The following TAF1A variants were observed in gnomAD, a reference collection of about 807,000 sequenced individuals.
TAF1A encodes the protein TATA box-binding protein-associated factor RNA polymerase I subunit A.
In TAF1A, 42 loss-of-function variants were observed where a neutral mutation model predicts 61.6. The ratio of observed to expected loss-of-function variants is 0.68; its 90% confidence interval spans 0.53 to 0.88. The LOEUF (loss-of-function observed/expected upper bound fraction) is 0.88, where lower values mean the gene tolerates loss of function less well. Ranked by LOEUF, TAF1A falls within the 40% of genes least tolerant of loss-of-function variation. The pLI, the probability that TAF1A is intolerant of heterozygous loss-of-function variation, is 0.00. For synonymous variants in TAF1A, 179 were observed against 177.7 expected (o/e 1.01, Z -0.06); for missense variants, 424 against 518.7 (o/e 0.82, Z 1.77).
intron 7 of TAF1A, among the ~76,000 whole-genome samples, chr1:222,566,244 G>T (rs1418029081): frequency 6.6e-6 from 1 of 152,128 alleles, no homozygotes; most frequent in African/African-American, 2.4e-5. Flanking sequence ...AGACATTAGG[G>T]AAATGCAAAC....
At chr1:222,569,255 C>T (rs1660245034) in intron 7 of TAF1A, 18 of 1,310,358 alleles carry the variant, frequency 1.4e-5, no homozygotes, top group Non-Finnish European at 1.8e-5. Context: ...CAAAAAATAT[C>T]AGTGCAGAGT....
chr1:222,570,534 C>T lies in TAF1A; in HGVS notation c.735+1G>A, dbSNP rs759038183. The T allele has an allele frequency of 6.2e-7, 1 of 1,602,502 alleles. No individual in the cohort carries two copies. The highest frequency in any genetic ancestry group is 8.5e-7 in the Non-Finnish European group (1 of 1,172,570). ...ATAAATTTAATGAAAATTCTACTTA[C>T]TTCTACATAACTCTTCACAAAAGGG... is the stretch of plus-strand genomic sequence containing the variant. On this transcript the variant is annotated splice_donor_variant, in intron 6 of 10. Coordinates refer to ENST00000352967, the MANE Select transcript of TAF1A (RefSeq NM_005681.4). LOFTEE classifies it high-confidence loss of function.
chr1:222,574,809 T>C (rs1026359546), intron 5 of TAF1A, among the ~76,000 whole-genome samples: 1 of 151,740 alleles, frequency 6.6e-6, no homozygotes, highest in African/African-American at 2.4e-5. Flanking sequence ...TATACATGAG[T>C]GGAAAGAGTA....
chr1:222,584,003 C>T (rs1660910068), intron 3 of TAF1A, 125 bp downstream of exon 3: 4 of 1,058,038 alleles, frequency 3.8e-6, no homozygotes, highest in Non-Finnish European at 5.5e-6. Flanking sequence ...ACTCTCCACT[C>T]AAAAGTAGTT....
Position 222,558,709 on chromosome 1 carries a change from C to T in TAF1A, c.1304G>A (p.Arg435Gln), listed in dbSNP as rs143557200. Residue 435 changes from arginine to glutamine, a missense_variant, in exon 11 of 11, where the codon CGG (arginine) becomes CAG (glutamine). Arg to Gln is a conservative substitution (Grantham distance 43). Coordinates refer to ENST00000352967, the MANE Select transcript of TAF1A (RefSeq NM_005681.4). ...DHQILGKKIKRMKRSVKKYSI... is the reference protein window; with the variant it reads ...DHQILGKKIKQMKRSVKKYSI... Reference sequence around the variant, plus strand: ...GTATTTTTTCACAGATCTCTTCATCCGCTTAATTTTCTTCCCTAAGATTTG... The same window carrying T: ...GTATTTTTTCACAGATCTCTTCATCTGCTTAATTTTCTTCCCTAAGATTTG... 11,985 of 1,576,986 alleles carry T rather than the reference C, an allele frequency of 7.6e-3. 49 individuals are homozygous for T. The highest frequency in any genetic ancestry group is 8.9e-3 in the Non-Finnish European group (10,341 of 1,160,292).
chr1:222,573,989 GAA>G (rs5781278), intron 5 of TAF1A, among the ~76,000 whole-genome samples: 14 of 150,012 alleles, frequency 9.3e-5, no homozygotes, highest in Admixed American at 2.0e-4. Flanking sequence ...TTCTGTTAGG[GAA>G]AAAAAAAATT....
intron 2 of TAF1A, 54 bp from the exon 3 acceptor site, chr1:222,584,351 T>C (rs1431500973): frequency 1.2e-5 from 18 of 1,501,228 alleles, no homozygotes; most frequent in African/African-American, 2.8e-5. Context: ...AGTTCAACTA[T>C]TCAAAAAACT....
At chr1:222,556,694 G>A (rs1265169428), downstream of TAF1A, among the ~76,000 whole-genome samples, 1 of 152,174 alleles carries the variant, frequency 6.6e-6, no homozygotes, top group Non-Finnish European at 1.5e-5. Context: ...AAGAACATTT[G>A]ATGTAAAAAT....
intron 9 of TAF1A, among the ~76,000 whole-genome samples, chr1:222,561,837 T>C (rs934573085): frequency 6.6e-6 from 1 of 152,200 alleles, no homozygotes; most frequent in Non-Finnish European, 1.5e-5. Flanking sequence ...CCTGGGCAAG[T>C]TGCTGAACCT....
chr1:222,556,599 T>A (rs375030250), downstream of TAF1A, among the ~76,000 whole-genome samples: 36 of 152,354 alleles, frequency 2.4e-4, no homozygotes, highest in South Asian at 5.8e-3. Context: ...TAGCTATTAC[T>A]GTTATTCATG....
At chr1:222,567,309 G>A (rs1383778523) in intron 7 of TAF1A, among the ~76,000 whole-genome samples, 2 of 115,018 alleles carry the variant, frequency 1.7e-5, no homozygotes, top group Admixed American at 2.2e-4. Context: ...CAGGCAATGA[G>A]GAGTTATTGT....
At chr1:222,588,672 A>C in intron 1 of TAF1A, 107 bp from the exon 2 acceptor site, 1 of 1,213,468 alleles carries the variant, frequency 8.2e-7, no homozygotes, top group Non-Finnish European at 1.1e-6. Flanking sequence ...TAATTTGATT[A>C]GCAAAATGCA....
In TAF1A at chr1:222,569,448, C is replaced by A. The variant is rs576512592; in HGVS notation, c.894+62G>T. On this transcript the variant is annotated intron_variant, in intron 7 of 10. Coordinates refer to ENST00000352967, the MANE Select transcript of TAF1A (RefSeq NM_005681.4). ...TGCTATAAAAGTTAGAAAGCAATGG[C>A]CTAAGAATGTTTTAATGTAGATTCC... is the stretch of plus-strand genomic sequence containing the variant. 1.9e-6 allele frequency: 3 copies of A among 1,612,618 alleles called. No individual in the cohort carries two copies. The Admixed American group carries it at 5.0e-5, about 27-fold the overall frequency.
Position 222,578,556 on chromosome 1 carries a change from C to T in TAF1A, c.406-913G>A, listed in dbSNP as rs1010394780. On this transcript the variant is annotated intron_variant, in intron 4 of 10. Coordinates refer to ENST00000352967, the MANE Select transcript of TAF1A (RefSeq NM_005681.4). The stretch of plus-strand genomic sequence containing the variant: ...GGGCTTTTAAACTCTTTATAACCCC[C>T]GCCATGCAGGGCTGCCCTTTCCCCT... Among the ~76,000 whole-genome samples, 12 of 152,328 alleles carry T rather than the reference C, an allele frequency of 7.9e-5. No homozygotes were observed. In the South Asian group the frequency reaches 1.0e-3, roughly 13 times the overall value.
At position 222,579,742 on chromosome 1, in the gene TAF1A, A is replaced by G; in HGVS notation, c.405+17T>C. On this transcript the variant is annotated intron_variant, in intron 4 of 10. Coordinates refer to ENST00000352967, the MANE Select transcript of TAF1A (RefSeq NM_005681.4). The stretch of plus-strand genomic sequence containing the variant: ...AAGAATACTGCAAGTGTAAATTCAC[A>G]AAGCCCATATTCTCACCTTTAAATA... 1 of 1,591,254 alleles carries G rather than the reference A, an allele frequency of 6.3e-7. No homozygotes were observed. Among genetic ancestry groups the G allele is most frequent in the Non-Finnish European group, 8.5e-7 (1 of 1,174,290 alleles).
downstream of TAF1A, chr1:222,557,920 G>A (rs1186131846): frequency 7.4e-6 from 1 of 135,274 alleles, no homozygotes; most frequent in Non-Finnish European, 1.5e-5. Context: ...GTCTAGTTCT[G>A]TCGCCCAGGC....
At chr1:222,562,203 T>G (rs1659946174) in intron 9 of TAF1A, among the ~76,000 whole-genome samples, 1 of 152,196 alleles carries the variant, frequency 6.6e-6, no homozygotes, top group South Asian at 2.1e-4. Flanking sequence ...ATAGTTAACT[T>G]TTTTGAGTGG....
chr1:222,577,809 T>C (rs1026726836), intron 4 of TAF1A, among the ~76,000 whole-genome samples, 166 bp from the exon 5 acceptor site: 2 of 152,250 alleles, frequency 1.3e-5, no homozygotes, highest in African/African-American at 4.8e-5. Flanking sequence ...AAGTAAGACA[T>C]AGGAAACAAT....
At chr1:222,586,834 T>G (rs1661036229) in intron 2 of TAF1A, among the ~76,000 whole-genome samples, 1 of 152,216 alleles carries the variant, frequency 6.6e-6, no homozygotes, top group South Asian at 2.1e-4. Flanking sequence ...TGTTAGGCAA[T>G]TTTGTTTTCC....
Sources: allele counts gnomAD v4.1 joint callset (sites outside exome capture counted in the v4.1 genomes callset), GRCh38; gene constraint gnomAD v4.1.1; transcripts MANE v1.5; gene names NCBI Gene and HGNC (gene_info 2026-07-23, HGNC 2026-07-21).